Variants in TENM3 observed in about 807,000 individuals in gnomAD.
The protein encoded by TENM3 is teneurin transmembrane protein 3.
A neutral mutation model predicts 255.1 loss-of-function variants in TENM3; 63 were observed. The observed-to-expected ratio is 0.25, with a 90% CI of 0.20 to 0.30. The LOEUF is 0.30. Among genes scored for constraint, TENM3 ranks in the 10% least tolerant of loss-of-function variants. TENM3 has a pLI of 1.00. For synonymous variants in TENM3, 1,306 were observed against 1,322.3 expected, an observed-to-expected ratio of 0.99 and a Z score of 0.27; for missense variants, 2,929 against 3,461.1, an observed-to-expected ratio of 0.85 and a Z score of 3.86.
At chr4:182,744,884 T>A (rs1761891643) in intron 19 of TENM3, among the ~76,000 whole-genome samples, 2 of 152,206 alleles carry the variant, frequency 1.3e-5, no homozygotes, top group South Asian at 4.1e-4. Context: ...TACACGTAGC[T>A]GCAGAAGATA....
the TENM3 span, among the ~76,000 whole-genome samples, chr4:181,911,534 G>A: frequency 6.6e-6 from 1 of 152,172 alleles, no homozygotes; most frequent in Non-Finnish European, 1.5e-5. Context: ...CCTTACATCT[G>A]GAGCAGCTGG....
the TENM3 span, among the ~76,000 whole-genome samples, chr4:181,626,557 C>A: frequency 1.3e-5 from 2 of 151,988 alleles, no homozygotes; most frequent in Admixed American, 1.3e-4. Context: ...TGTGAGAGCA[C>A]AGCAAGGGGG....
At chr4:182,428,998 G>A (rs554750579) in intron 3 of TENM3, among the ~76,000 whole-genome samples, 2 of 152,236 alleles carry the variant, frequency 1.3e-5, no homozygotes, top group South Asian at 4.2e-4. Flanking sequence ...CCCAGTGTTA[G>A]GAAATATCTT....
At chr4:182,316,156 A>G (rs185007465) in intron 1 of TENM3, among the ~76,000 whole-genome samples, 104 of 152,162 alleles carry the variant, frequency 6.8e-4, no homozygotes, top group Non-Finnish European at 1.1e-3. Context: ...TTGTTGAATG[A>G]TGGATATTTT....
chr4:182,509,508 G>A (rs1210302531), intron 3 of TENM3, among the ~76,000 whole-genome samples: 2 of 152,056 alleles, frequency 1.3e-5, no homozygotes, highest in Non-Finnish European at 2.9e-5. Flanking sequence ...AATATTAGAA[G>A]GACAATATTA....
intron 12 of TENM3, among the ~76,000 whole-genome samples, chr4:182,708,664 G>A (rs886870698): frequency 3.3e-5 from 5 of 152,144 alleles, no homozygotes; most frequent in African/African-American, 4.8e-5. Context: ...CAGGTGTGGT[G>A]GCGGGCGCCT....
chr4:181,949,778 TTCCTCCTCAG>T, the TENM3 span, among the ~76,000 whole-genome samples: 3 of 151,036 alleles, frequency 2.0e-5, no homozygotes, highest in East Asian at 3.9e-4. Flanking sequence ...ACCCTCCACG[TTCCTCCTCAG>T]TCCTCCTCAG....
chr4:182,436,526 C>A (rs192254122), intron 3 of TENM3, among the ~76,000 whole-genome samples: 1 of 152,130 alleles, frequency 6.6e-6, no homozygotes, highest in Non-Finnish European at 1.5e-5. Context: ...ATTTGTGGAA[C>A]GCCTTATTTC....
the TENM3 span, among the ~76,000 whole-genome samples, chr4:181,513,812 A>T: frequency 1.3e-5 from 2 of 152,190 alleles, no homozygotes; most frequent in Admixed American, 1.3e-4. Flanking sequence ...TGAAGTTCAT[A>T]CCGTTTAAAC....
chr4:182,493,223 T>C (rs908728305), intron 3 of TENM3, among the ~76,000 whole-genome samples: 1 of 152,096 alleles, frequency 6.6e-6, no homozygotes, highest in Non-Finnish European at 1.5e-5. Flanking sequence ...GTTGCATGTG[T>C]GGAGCAGGCC....
chr4:182,243,957 T>TC (rs1181147501), intron 1 of TENM3, among the ~76,000 whole-genome samples: 1 of 138,234 alleles, frequency 7.2e-6, no homozygotes, highest in African/African-American at 2.7e-5. Flanking sequence ...TTTTTTTTTT[T>TC]TTTTTTTTTT....
chr4:182,586,052 G>A (rs891792200), intron 3 of TENM3, among the ~76,000 whole-genome samples: 28 of 152,226 alleles, frequency 1.8e-4, no homozygotes, highest in African/African-American at 5.5e-4. Context: ...CCACAAATGT[G>A]GGACCATGTG....
At chr4:182,093,572 G>A in the TENM3 span, among the ~76,000 whole-genome samples, 1 of 152,150 alleles carries the variant, frequency 6.6e-6, no homozygotes, top group Admixed American at 6.5e-5. Flanking sequence ...AGGAGCCAGA[G>A]AACATGAGCC....
At chr4:181,726,876 T>C in the TENM3 span, among the ~76,000 whole-genome samples, 2 of 152,154 alleles carry the variant, frequency 1.3e-5, no homozygotes, top group African/African-American at 4.8e-5. Context: ...TCCCAGACAC[T>C]CCCTCTGGCT....
the TENM3 span, among the ~76,000 whole-genome samples, chr4:181,611,855 C>T: frequency 6.6e-6 from 1 of 152,242 alleles, no homozygotes; most frequent in Non-Finnish European, 1.5e-5. Context: ...CTAAAAGACA[C>T]ATTTGATCAC....
intron 3 of TENM3, among the ~76,000 whole-genome samples, chr4:182,421,034 A>G (rs1770797592): frequency 6.6e-6 from 1 of 152,212 alleles, no homozygotes; most frequent in Non-Finnish European, 1.5e-5. Context: ...AGATGGTTTC[A>G]TCACTGAACA....
the TENM3 span, among the ~76,000 whole-genome samples, chr4:182,082,334 C>A: frequency 6.6e-6 from 1 of 152,090 alleles, no homozygotes. Flanking sequence ...TCCTCATGAC[C>A]TAATCACCCC....
At chr4:182,166,097 A>G in intron 1 of TENM3, among the ~76,000 whole-genome samples, 1 of 152,124 alleles carries the variant, frequency 6.6e-6, no homozygotes, top group Non-Finnish European at 1.5e-5. Flanking sequence ...AGTTTTTTAA[A>G]ATGTGCGTTT....
chr4:181,544,115 C>T, the TENM3 span, among the ~76,000 whole-genome samples: 108 of 151,974 alleles, frequency 7.1e-4, no homozygotes, highest in African/African-American at 2.1e-3. Context: ...GTTCTAATTC[C>T]GTTACCCCAG....
Sources: allele counts gnomAD v4.1 joint callset (sites outside exome capture counted in the v4.1 genomes callset), GRCh38; gene constraint gnomAD v4.1.1; transcripts MANE v1.5; gene names NCBI Gene and HGNC (gene_info 2026-07-23, HGNC 2026-07-21).